The following MECOM variants were observed in gnomAD, a reference collection of about 807,000 sequenced individuals.
MECOM encodes MDS1 and EVI1 complex locus, also known as histone-lysine N-methyltransferase MECOM.
MECOM carries 13 observed loss-of-function variants against 116.3 expected under a neutral mutation model. That is an observed-to-expected ratio of 0.11 (90% CI 0.07 to 0.18). The LOEUF is 0.18. Among genes scored for constraint, MECOM ranks in the 10% least tolerant of loss-of-function variants. The pLI is 1.00. For missense variants in MECOM, 1,299 were observed against 1,509.0 expected, an observed-to-expected ratio of 0.86 and a Z score of 2.31; for synonymous variants, 528 against 535.2, an observed-to-expected ratio of 0.99 and a Z score of 0.19.
chr3:169,338,070 T>A (rs1219076904), intron 2 of MECOM, among the ~76,000 whole-genome samples: 2 of 152,224 alleles, frequency 1.3e-5, no homozygotes, highest in African/African-American at 4.8e-5. Flanking sequence ...ACTTATTTGG[T>A]TGCGATATAA....
intron 2 of MECOM, among the ~76,000 whole-genome samples, chr3:169,239,054 G>T (rs1422858285): frequency 6.6e-6 from 1 of 151,936 alleles, no homozygotes; most frequent in African/African-American, 2.4e-5. Context: ...CTTTTTATGG[G>T]TTCCAAAATA....
intron 3 of MECOM, among the ~76,000 whole-genome samples, chr3:169,135,270 A>T (rs2149236507): frequency 6.6e-6 from 1 of 152,132 alleles, no homozygotes; most frequent in South Asian, 2.1e-4. Flanking sequence ...TTTATGTAAA[A>T]AGTTCTCTGG....
At chr3:169,188,146 A>C (rs1164171696) in intron 2 of MECOM, among the ~76,000 whole-genome samples, 1 of 152,120 alleles carries the variant, frequency 6.6e-6, no homozygotes, top group Non-Finnish European at 1.5e-5. Flanking sequence ...TAAGGAATGC[A>C]ATTCTCTCTC....
chr3:169,374,488 C>G (rs1730683553), intron 2 of MECOM, among the ~76,000 whole-genome samples: 1 of 151,882 alleles, frequency 6.6e-6, no homozygotes, highest in African/African-American at 2.4e-5. Flanking sequence ...GAGAATACAC[C>G]TTTGCAAGCT....
rs376594167 is a variant in MECOM at position 169,558,858 on chromosome 3, GA to G, written c.37+104477del. On this transcript the variant is annotated intron_variant, in intron 1 of 16. Coordinates refer to ENST00000651503, the MANE Select transcript of MECOM (RefSeq NM_004991.4). Reference sequence around the variant, plus strand: ...AACTTACCAATGCTTAAACCTTTGGGAAAAAAGCATCTAGATTCCCTCTCAA... The same window carrying G: ...AACTTACCAATGCTTAAACCTTTGGGAAAAAGCATCTAGATTCCCTCTCAA... Among the ~76,000 whole-genome samples, 29 of 151,912 alleles carry G rather than the reference GA, an allele frequency of 1.9e-4. No homozygotes were observed. In the East Asian group the frequency reaches 5.4e-3, roughly 28 times the overall value.
At chr3:169,168,939 G>C (rs1170083606) in intron 2 of MECOM, among the ~76,000 whole-genome samples, 1 of 151,644 alleles carries the variant, frequency 6.6e-6, no homozygotes, top group Non-Finnish European at 1.5e-5. Context: ...GATAAAAATA[G>C]AATAGATTGT....
At chr3:169,182,725 G>A (rs1746137275) in intron 2 of MECOM, among the ~76,000 whole-genome samples, 1 of 152,124 alleles carries the variant, frequency 6.6e-6, no homozygotes, top group South Asian at 2.1e-4. Flanking sequence ...TTTTAGAAAA[G>A]TTTTCATCCT....
At chr3:169,328,928 T>C (rs1484004593) in intron 2 of MECOM, among the ~76,000 whole-genome samples, 1 of 152,216 alleles carries the variant, frequency 6.6e-6, no homozygotes, top group Non-Finnish European at 1.5e-5. Flanking sequence ...TATTTACATC[T>C]GAGTACCTGA....
chr3:169,656,198 G>A lies in MECOM; in HGVS notation c.37+7138C>T, dbSNP rs185504004. On this transcript the variant is annotated intron_variant, in intron 1 of 16. Transcript: ENST00000651503. ...TAAATGTCATCATTTGAACAACCTTGACATATACAACTAATTCATTTAGGC... is the reference window on the plus strand; with the variant it reads ...TAAATGTCATCATTTGAACAACCTTAACATATACAACTAATTCATTTAGGC... Among the ~76,000 whole-genome samples, 484 of 152,334 alleles carry A rather than the reference G, an allele frequency of 3.2e-3. 1 individual carries two copies. The highest frequency in any genetic ancestry group is 6.8e-3 in the Middle Eastern group (2 of 294).
chr3:169,100,145 C>T (rs1385537333), intron 12 of MECOM, among the ~76,000 whole-genome samples: 1 of 131,482 alleles, frequency 7.6e-6, no homozygotes, highest in Non-Finnish European at 1.5e-5. Flanking sequence ...GTCACCCAGG[C>T]TGGAGTGCAG....
chr3:169,489,512 A>T (rs1752821238), intron 1 of MECOM, among the ~76,000 whole-genome samples: 1 of 152,054 alleles, frequency 6.6e-6, no homozygotes, highest in South Asian at 2.1e-4. Flanking sequence ...TGACAATTTT[A>T]AAAAAGTGTT....
intron 1 of MECOM, among the ~76,000 whole-genome samples, chr3:169,384,718 C>T (rs148031231): frequency 1.2e-3 from 178 of 152,210 alleles, no homozygotes; most frequent in African/African-American, 3.7e-3. Flanking sequence ...ATATTCCTCC[C>T]GTAATTATCT....
chr3:169,381,981 G>A (rs956114609), intron 1 of MECOM, among the ~76,000 whole-genome samples: 41 of 152,246 alleles, frequency 2.7e-4, no homozygotes, highest in Non-Finnish European at 4.3e-4. Context: ...GATTCCAAAG[G>A]CTGCCATGTG....
chr3:169,104,280 G>T (rs1724595040), intron 10 of MECOM, among the ~76,000 whole-genome samples: 1 of 152,208 alleles, frequency 6.6e-6, no homozygotes, highest in African/African-American at 2.4e-5. Context: ...CTTCTAGACA[G>T]AGCATTAGCA....
At chr3:169,517,795 A>G (rs1004146159) in intron 1 of MECOM, among the ~76,000 whole-genome samples, 7 of 152,232 alleles carry the variant, frequency 4.6e-5, no homozygotes, top group South Asian at 2.1e-4. Flanking sequence ...GGTAGGTACT[A>G]GAGATTCAGT....
At chr3:169,625,210 A>G (rs1250007879) in intron 1 of MECOM, among the ~76,000 whole-genome samples, 1 of 152,308 alleles carries the variant, frequency 6.6e-6, no homozygotes, top group South Asian at 2.1e-4. Flanking sequence ...TTAGAAGAAC[A>G]ATGATTTGCT....
At chr3:169,531,462 T>C (rs952560485) in intron 1 of MECOM, among the ~76,000 whole-genome samples, 1 of 152,208 alleles carries the variant, frequency 6.6e-6, no homozygotes, top group African/African-American at 2.4e-5. Context: ...CTGTCTCTCA[T>C]ATGACCCTCT....
chr3:169,115,790 C>T lies in MECOM; in HGVS notation c.2082G>A (p.Met694Ile), dbSNP rs1453259793. 3.1e-6 allele frequency: 5 copies of T among 1,613,944 alleles called. No homozygotes were observed. The highest frequency in any genetic ancestry group is 1.6e-4 in the Middle Eastern group (1 of 6,084). The part of the protein sequence containing the change: ...KKVGALPYPS[M>I]FPLPFFPAFS... ...ATGCTGGAAAAAATGGGAGGGGAAA[C>T]ATGGAAGGGTAAGGTAAAGCTCCAA... Residue 694 changes from methionine (M) to isoleucine (I), a missense_variant, in exon 8 of 17, where the codon ATG (methionine) becomes ATA (isoleucine). Met to Ile is a conservative substitution (Grantham distance 10). Coordinates refer to ENST00000651503, the MANE Select transcript of MECOM (RefSeq NM_004991.4).
chr3:169,268,267 A>C (rs1758546217), intron 2 of MECOM, among the ~76,000 whole-genome samples: 1 of 152,148 alleles, frequency 6.6e-6, no homozygotes, highest in Non-Finnish European at 1.5e-5. Flanking sequence ...TATTTAACCA[A>C]CCTAAACACT....
Sources: allele counts gnomAD v4.1 joint callset (sites outside exome capture counted in the v4.1 genomes callset), GRCh38; gene constraint gnomAD v4.1.1; transcripts MANE v1.5; gene names NCBI Gene and HGNC (gene_info 2026-07-23, HGNC 2026-07-21).